Variants in MIR2052HG observed in about 807,000 individuals in gnomAD.
MIR2052HG encodes the protein MIR2052 host gene.
chr8:74,654,444 A>T (rs1257942641), intron 2 of MIR2052HG, among the ~76,000 whole-genome samples: 1 of 152,040 alleles, frequency 6.6e-6, no homozygotes, highest in Non-Finnish European at 1.5e-5. Context: ...TATCTCCCGG[A>T]ACTCCCCCGT....
intron 4 of MIR2052HG, among the ~76,000 whole-genome samples, chr8:74,709,410 C>T (rs1355691999): frequency 6.6e-6 from 1 of 151,826 alleles, no homozygotes; most frequent in East Asian, 1.9e-4. Context: ...TTTATGCTAA[C>T]AAATAGACAA....
chr8:74,664,150 TA>T (rs35863225), intron 2 of MIR2052HG, among the ~76,000 whole-genome samples: 110 of 146,284 alleles, frequency 7.5e-4, no homozygotes, highest in African/African-American at 1.9e-3. Context: ...CGGTGTGTGA[TA>T]AAAAAAAAAA....
At chr8:74,674,223 T>C (rs1273050097) in intron 2 of MIR2052HG, among the ~76,000 whole-genome samples, 1 of 151,150 alleles carries the variant, frequency 6.6e-6, no homozygotes, top group Non-Finnish European at 1.5e-5. Flanking sequence ...GATCATCACA[T>C]TGAGAAAGAT....
At chr8:74,732,185 C>G (rs959391781) in intron 4 of MIR2052HG, among the ~76,000 whole-genome samples, 4 of 151,996 alleles carry the variant, frequency 2.6e-5, no homozygotes, top group African/African-American at 9.7e-5. Context: ...TTAAAAAATA[C>G]AGTATAACAG....
At chr8:74,744,657 A>C (rs570389927) in intron 4 of MIR2052HG, among the ~76,000 whole-genome samples, 1 of 152,170 alleles carries the variant, frequency 6.6e-6, no homozygotes, top group African/African-American at 2.4e-5. Context: ...ACATGAACTC[A>C]TCATTTTTTC....
At chr8:74,741,285 G>A (rs1273217110) in intron 4 of MIR2052HG, among the ~76,000 whole-genome samples, 1 of 152,182 alleles carries the variant, frequency 6.6e-6, no homozygotes, top group African/African-American at 2.4e-5. Context: ...CTCCTTTCCT[G>A]TATAACACTT....
In MIR2052HG at chr8:74,647,228, G is replaced by A. The variant is rs538926886; in HGVS notation, n.216+34288G>A. 2.6e-5 allele frequency among the ~76,000 whole-genome samples: 4 copies of A among 152,224 alleles called. No individual in the cohort carries two copies. The South Asian group carries it at 8.3e-4, about 32-fold the overall frequency. On this transcript the variant is annotated intron_variant and non_coding_transcript_variant, in intron 2 of 6. Transcript: ENST00000523442. ...GGTATTTCAGCAAAGAGGTGATATG[G>A]CATTACAGAGAGGTTGCAGGACAAG...
chr8:74,609,506 A>G (rs1388238601), intron 1 of MIR2052HG, among the ~76,000 whole-genome samples: 2 of 151,988 alleles, frequency 1.3e-5, no homozygotes, highest in African/African-American at 4.8e-5. Flanking sequence ...AGAAAATTGC[A>G]TGCCAATATT....
At chr8:74,636,551 A>G (rs1383242274) in intron 2 of MIR2052HG, among the ~76,000 whole-genome samples, 1 of 152,130 alleles carries the variant, frequency 6.6e-6, no homozygotes, top group African/African-American at 2.4e-5. Flanking sequence ...AAGATCTTCA[A>G]ATTTCAGAAT....
intron 4 of MIR2052HG, among the ~76,000 whole-genome samples, chr8:74,720,902 T>C (rs966826778): frequency 6.6e-6 from 1 of 152,130 alleles, no homozygotes; most frequent in Admixed American, 6.6e-5. Flanking sequence ...TCAGATCTTA[T>C]GAGAACTTAC....
At chr8:74,667,590 C>T (rs1476580507) in intron 2 of MIR2052HG, among the ~76,000 whole-genome samples, 1 of 152,034 alleles carries the variant, frequency 6.6e-6, no homozygotes, top group Non-Finnish European at 1.5e-5. Context: ...ACTGCAGAAA[C>T]CCACAAGCAT....
At chr8:74,600,585 AG>A (rs1247538506) in intron 1 of MIR2052HG, among the ~76,000 whole-genome samples, 1,884 of 150,262 alleles carry the variant, frequency 0.013, 38 homozygotes, top group African/African-American at 0.043. Flanking sequence ...AAAAAGAAAA[AG>A]GAAAAAAAAA....
At chr8:74,603,839 C>A in intron 1 of MIR2052HG, 1 of 861,856 alleles carries the variant, frequency 1.2e-6, no homozygotes, top group South Asian at 1.3e-5. Flanking sequence ...GGTAGCATAT[C>A]CCCTGCCATC....
chr8:74,726,136 T>C (rs1327759897), intron 4 of MIR2052HG, among the ~76,000 whole-genome samples: 2 of 152,052 alleles, frequency 1.3e-5, no homozygotes, highest in Non-Finnish European at 2.9e-5. Context: ...GAGGTTGCAG[T>C]GAGCCAAAAT....
intron 2 of MIR2052HG, among the ~76,000 whole-genome samples, chr8:74,657,564 G>A (rs1270091324): frequency 6.6e-6 from 1 of 152,134 alleles, no homozygotes; most frequent in African/African-American, 2.4e-5. Context: ...AGACAAACCT[G>A]AGACTGGGCA....
chr8:74,742,744 T>C (rs1349559035), intron 4 of MIR2052HG, among the ~76,000 whole-genome samples: 1 of 152,184 alleles, frequency 6.6e-6, no homozygotes, highest in Admixed American at 6.6e-5. Context: ...AAGTTATTAG[T>C]TCTCTAGGTG....
intron 4 of MIR2052HG, among the ~76,000 whole-genome samples, chr8:74,744,468 G>A (rs1024950433): frequency 1.3e-5 from 2 of 151,540 alleles, no homozygotes; most frequent in Non-Finnish European, 2.9e-5. Context: ...AATGCTATCC[G>A]TCCCCCCTCC....
At chr8:74,735,929 A>G (rs1586927367) in intron 4 of MIR2052HG, among the ~76,000 whole-genome samples, 1 of 152,362 alleles carries the variant, frequency 6.6e-6, no homozygotes, top group African/African-American at 2.4e-5. Context: ...CTCTTTAGAT[A>G]CAAAGTTAAC....
intron 1 of MIR2052HG, among the ~76,000 whole-genome samples, chr8:74,607,289 T>G (rs959526000): frequency 6.6e-6 from 1 of 152,182 alleles, no homozygotes; most frequent in Non-Finnish European, 1.5e-5. Flanking sequence ...ATATTAAACA[T>G]TTAAGCACTT....
Sources: gnomAD v4.1 joint callset for allele counts (sites outside exome capture counted in the v4.1 genomes callset) on GRCh38, gnomAD v4.1.1 for gene constraint, MANE v1.5 for transcripts, NCBI Gene and HGNC (gene_info 2026-07-23, HGNC 2026-07-21) for gene names.